LIN54: variants seen among roughly 807,000 people sequenced by gnomAD.
LIN54 encodes lin-54 DREAM MuvB core complex component, also known as protein lin-54 homolog.
LIN54 carries 9 observed loss-of-function variants against 78.7 expected under a neutral mutation model. The observed-to-expected ratio is 0.11, with a 90% CI of 0.07 to 0.20. The LOEUF (loss-of-function observed/expected upper bound fraction) is 0.20. Ranked by LOEUF, LIN54 falls within the 10% of genes least tolerant of loss-of-function variation. The pLI is 1.00. For synonymous variants in LIN54, 269 were observed against 318.4 expected (o/e 0.84, Z 1.65); for missense variants, 573 against 889.9 (o/e 0.64, Z 4.53).
intron 4 of LIN54, among the ~76,000 whole-genome samples, chr4:82,958,539 T>C (rs1322403512): frequency 6.6e-6 from 1 of 152,178 alleles, no homozygotes; most frequent in Non-Finnish European, 1.5e-5. Context: ...TTCCAGCCTA[T>C]TGTCACTTCT....
At chr4:82,931,176 A>G (rs867081681) in intron 11 of LIN54, 31 bp from the exon 12 acceptor site, 1 of 1,546,620 alleles carries the variant, frequency 6.5e-7, no homozygotes, top group Admixed American at 1.7e-5. Flanking sequence ...AAGTTTCCAA[A>G]TCAAAACCAA....
intron 11 of LIN54, among the ~76,000 whole-genome samples, chr4:82,933,080 C>T (rs905067106): frequency 6.6e-6 from 1 of 151,492 alleles, no homozygotes. Flanking sequence ...ATTCCACTTA[C>T]CAAAGGAAAA....
At chr4:83,010,874 G>A, upstream of LIN54, 3 of 1,161,798 alleles carry the variant, frequency 2.6e-6, no homozygotes, top group Non-Finnish European at 3.2e-6. Flanking sequence ...CCCGGGAGGC[G>A]CACACCCACA....
chr4:82,981,726 C>G (rs1726667881), intron 2 of LIN54, among the ~76,000 whole-genome samples: 1 of 151,804 alleles, frequency 6.6e-6, no homozygotes, highest in Non-Finnish European at 1.5e-5. Flanking sequence ...TAGATAGAAA[C>G]AGGCTTTAGA....
At position 82,932,657 on chromosome 4, in the gene LIN54, T is replaced by TA. The variant is rs780756470; in HGVS notation, c.1846-1513dup. Among the ~76,000 whole-genome samples, 552 of 132,698 alleles carry TA rather than the reference T, an allele frequency of 4.2e-3. 2 individuals carry two copies. The highest frequency in any genetic ancestry group is 8.2e-3 in the African/African-American group (298 of 36,158). The allele number at this position is 132,698 out of a possible 152,430, so 87.1% of individuals were successfully genotyped here. ...AACATGGAGAAACCCCATCTCTCTT[T>TA]AAAAAAAAAAAAAAAAAATTAGCCA... is the stretch of plus-strand genomic sequence containing the variant. On this transcript the variant is annotated intron_variant, in intron 11 of 12. Coordinates refer to ENST00000340417, the MANE Select transcript of LIN54 (RefSeq NM_194282.4).
intron 1 of LIN54, 73 bp from the exon 2 acceptor site, chr4:82,984,949 C>A: frequency 1.0e-6 from 1 of 994,290 alleles, no homozygotes; most frequent in Admixed American, 2.4e-5. Context: ...AAAAAAAATG[C>A]AAATGGCAAA....
chr4:82,973,423 A>T (rs1002137447), intron 3 of LIN54, among the ~76,000 whole-genome samples: 1 of 152,146 alleles, frequency 6.6e-6, no homozygotes, highest in African/African-American at 2.4e-5. Flanking sequence ...ATCTAATCTA[A>T]CCTCCAAATC....
intron 1 of LIN54, among the ~76,000 whole-genome samples, chr4:83,001,896 AGGG>A (rs1560796068): frequency 0.045 from 21 of 470 alleles, 3 homozygotes; most frequent in African/African-American, 0.066. Context: ...GGAAGGAAGG[AGGG>A]AGGGAGGGAG....
At chr4:82,962,853 T>A (rs1724915214) in intron 4 of LIN54, among the ~76,000 whole-genome samples, 1 of 151,878 alleles carries the variant, frequency 6.6e-6, no homozygotes, top group African/African-American at 2.4e-5. Context: ...TGGAACTCTA[T>A]TAAATATACT....
chr4:82,941,406 C>A (rs1176085866), intron 5 of LIN54, among the ~76,000 whole-genome samples: 1 of 151,976 alleles, frequency 6.6e-6, no homozygotes, highest in Non-Finnish European at 1.5e-5. Flanking sequence ...CAGACAAATA[C>A]AGGCAAAAAG....
chr4:83,006,865 C>T (rs1241814976), intron 1 of LIN54, among the ~76,000 whole-genome samples: 2 of 152,274 alleles, frequency 1.3e-5, no homozygotes, highest in Non-Finnish European at 2.9e-5. Context: ...ATGGGCCAGG[C>T]GTGATGGCTC....
At chr4:82,929,330 A>G (rs1039508770) in intron 12 of LIN54, among the ~76,000 whole-genome samples, 11 of 152,058 alleles carry the variant, frequency 7.2e-5, no homozygotes, top group Non-Finnish European at 1.0e-4. Context: ...CCAATTTTAA[A>G]AATTAATTAT....
intron 4 of LIN54, among the ~76,000 whole-genome samples, chr4:82,962,838 A>G (rs1473432324): frequency 6.6e-6 from 1 of 152,040 alleles, no homozygotes; most frequent in African/African-American, 2.4e-5. Context: ...AGCATCCAAG[A>G]GCTGTGGAAC....
chr4:82,965,776 T>C (rs1356180071), intron 4 of LIN54, among the ~76,000 whole-genome samples: 1 of 152,006 alleles, frequency 6.6e-6, no homozygotes, highest in African/African-American at 2.4e-5. Context: ...CTACCCAGTA[T>C]CAACAAAGAT....
intron 2 of LIN54, among the ~76,000 whole-genome samples, chr4:82,981,273 T>C (rs1314509531): frequency 1.3e-5 from 2 of 152,226 alleles, no homozygotes; most frequent in African/African-American, 2.4e-5. Context: ...AGTTATGTAC[T>C]ACTCTTATAT....
chr4:82,968,038 T>C (rs1256195370), intron 4 of LIN54, among the ~76,000 whole-genome samples: 2 of 151,706 alleles, frequency 1.3e-5, no homozygotes, highest in African/African-American at 4.8e-5. Context: ...TTGTTTTTGT[T>C]TTTTGTTTTT....
chr4:82,968,447 G>A (rs539091255), intron 4 of LIN54, among the ~76,000 whole-genome samples: 8 of 152,030 alleles, frequency 5.3e-5, no homozygotes, highest in South Asian at 2.1e-4. Flanking sequence ...CATCTACCCC[G>A]TTATCTAAGT....
At position 82,928,214 on chromosome 4, in the gene LIN54, T is replaced by A. The variant is rs139957119; in HGVS notation, c.2138A>T (p.Lys713Ile). Reference protein sequence around the residue: ...AQAEQADKKGKSKAAAERMIL... With the variant: ...AQAEQADKKGISKAAAERMIL... ...CATCCGTTCCGCTGCTGCCTTTGAT[T>A]TTCCCTTCTTGTCTGCCTGCTCTGC... Residue 713 changes from lysine to isoleucine, a missense_variant, in exon 13 of 13, where the codon AAA becomes ATA. Transcript: ENST00000340417. 2 of 1,614,152 alleles carry A rather than the reference T, an allele frequency of 1.2e-6. No homozygotes were observed. Among genetic ancestry groups the A allele is most frequent in the Non-Finnish European group, 1.7e-6 (2 of 1,180,052 alleles).
chr4:82,955,445 G>A (rs1724230089), intron 4 of LIN54, among the ~76,000 whole-genome samples: 1 of 150,680 alleles, frequency 6.6e-6, no homozygotes, highest in African/African-American at 2.4e-5. Context: ...GCCATAGATT[G>A]AGAGAAAATA....
Sources: allele counts gnomAD v4.1 joint callset (sites outside exome capture counted in the v4.1 genomes callset), GRCh38; gene constraint gnomAD v4.1.1; transcripts MANE v1.5; gene names NCBI Gene and HGNC (gene_info 2026-07-23, HGNC 2026-07-21).